EFNA5: variants seen among roughly 807,000 people sequenced by gnomAD.
EFNA5 encodes the protein ephrin A5.
Under a neutral mutation model 22.9 loss-of-function variants are expected in EFNA5, and 5 were observed. That is an observed-to-expected ratio of 0.22 (90% CI 0.11 to 0.46). The LOEUF (loss-of-function observed/expected upper bound fraction) is 0.46, where lower values mean the gene tolerates loss of function less well. Among genes scored for constraint, EFNA5 ranks in the 20% least tolerant of loss-of-function variants. The pLI is 0.99. For synonymous variants in EFNA5, 113 were observed against 112.2 expected, an observed-to-expected ratio of 1.01 and a Z score of -0.04; for missense variants, 237 against 293.3, an observed-to-expected ratio of 0.81 and a Z score of 1.40.
intron 2 of EFNA5, among the ~76,000 whole-genome samples, chr5:107,396,809 A>G (rs547330385): frequency 1.3e-5 from 2 of 152,258 alleles, no homozygotes; most frequent in East Asian, 3.9e-4. Context: ...CCTTTTGAAA[A>G]TATGTTAAGA....
chr5:107,592,044 T>A (rs1467768338), intron 1 of EFNA5, among the ~76,000 whole-genome samples: 2 of 90,220 alleles, frequency 2.2e-5, no homozygotes, highest in African/African-American at 1.1e-4. Flanking sequence ...ATTATATATA[T>A]TATACATTAA....
chr5:107,594,213 C>G (rs887174377), intron 1 of EFNA5, among the ~76,000 whole-genome samples: 27 of 152,074 alleles, frequency 1.8e-4, no homozygotes, highest in African/African-American at 5.8e-4. Flanking sequence ...TATCAAAGAC[C>G]AGTTAGGAAG....
intron 1 of EFNA5, among the ~76,000 whole-genome samples, chr5:107,487,147 C>T (rs991612932): frequency 2.0e-5 from 3 of 152,188 alleles, no homozygotes; most frequent in Non-Finnish European, 4.4e-5. Flanking sequence ...TGTATTCCTG[C>T]CGTCAGCACT....
chr5:107,431,200 G>C (rs537436142), intron 1 of EFNA5, among the ~76,000 whole-genome samples: 1 of 152,052 alleles, frequency 6.6e-6, no homozygotes, highest in Non-Finnish European at 1.5e-5. Context: ...CATTTCAAAG[G>C]GTGGACAATA....
intron 1 of EFNA5, 35 bp downstream of exon 1, chr5:107,670,454 G>T: frequency 2.6e-6 from 4 of 1,539,546 alleles, no homozygotes; most frequent in South Asian, 1.2e-5. Flanking sequence ...CCCGAGGCCC[G>T]GGTAGCCCTG....
chr5:107,534,592 C>T (rs1345698046), intron 1 of EFNA5, among the ~76,000 whole-genome samples: 1 of 152,160 alleles, frequency 6.6e-6, no homozygotes, highest in African/African-American at 2.4e-5. Context: ...CTACTAGTGT[C>T]TCTAGCTGTT....
intron 1 of EFNA5, among the ~76,000 whole-genome samples, chr5:107,591,983 AAT>A (rs372347946): frequency 4.0e-5 from 1 of 24,944 alleles, no homozygotes; most frequent in Non-Finnish European, 6.6e-5. Flanking sequence ...TATAATATAT[AAT>A]ATATAATATA....
At chr5:107,435,985 CT>C in intron 1 of EFNA5, among the ~76,000 whole-genome samples, 1 of 152,316 alleles carries the variant, frequency 6.6e-6, no homozygotes, top group African/African-American at 2.4e-5. Flanking sequence ...TACCCTGTCA[CT>C]TTTTTTCTTG....
chr5:107,598,014 T>TA (rs1682665470), intron 1 of EFNA5, among the ~76,000 whole-genome samples: 1 of 152,152 alleles, frequency 6.6e-6, no homozygotes, highest in Non-Finnish European at 1.5e-5. Context: ...GAGATACTAT[T>TA]AAAGACCATT....
intron 1 of EFNA5, among the ~76,000 whole-genome samples, chr5:107,506,755 T>C (rs1430087022): frequency 6.6e-6 from 1 of 151,922 alleles, no homozygotes; most frequent in African/African-American, 2.4e-5. Context: ...AACACAAAGG[T>C]GAATAACAAA....
intron 1 of EFNA5, among the ~76,000 whole-genome samples, chr5:107,619,365 T>C (rs1749989207): frequency 1.3e-5 from 2 of 152,184 alleles, no homozygotes; most frequent in Admixed American, 1.3e-4. Flanking sequence ...ATGCAAGCCT[T>C]GCCAAATAAA....
chr5:107,381,224 T>C lies in EFNA5; in HGVS notation c.*31A>G, dbSNP rs1304978334. ...CTCTGGTGTTCCAAGACCCTGATGT[T>C]TTCTGTGACAAGTGATGGGAGGAGA... On this transcript the variant is annotated 3_prime_UTR_variant, in exon 5 of 5. Transcript: ENST00000333274. 2 of 1,601,276 alleles carry C rather than the reference T, an allele frequency of 1.2e-6. No individual in the cohort carries two copies. Among genetic ancestry groups the C allele is most frequent in the Admixed American group, 1.7e-5 (1 of 59,764 alleles).
At chr5:107,609,212 C>T (rs542294167) in intron 1 of EFNA5, among the ~76,000 whole-genome samples, 42 of 152,192 alleles carry the variant, frequency 2.8e-4, no homozygotes, top group Non-Finnish European at 4.3e-4. Flanking sequence ...TCTAATAAAA[C>T]GCACTTGGTT....
At chr5:107,464,811 G>A (rs910928617) in intron 1 of EFNA5, among the ~76,000 whole-genome samples, 19 of 152,066 alleles carry the variant, frequency 1.2e-4, no homozygotes, top group African/African-American at 3.4e-4. Context: ...AATTCATCAC[G>A]CCAGGAAAGA....
chr5:107,536,337 G>A (rs2112456063), intron 1 of EFNA5, among the ~76,000 whole-genome samples: 1 of 152,254 alleles, frequency 6.6e-6, no homozygotes, highest in Middle Eastern at 3.4e-3. Context: ...CAGAGCCCAG[G>A]CATCTGATAT....
chr5:107,491,522 G>A (rs1296130382), intron 1 of EFNA5, among the ~76,000 whole-genome samples: 2 of 152,156 alleles, frequency 1.3e-5, no homozygotes, highest in Non-Finnish European at 1.5e-5. Flanking sequence ...TGTTGGCCAA[G>A]CTGGTCCGGA....
intron 1 of EFNA5, among the ~76,000 whole-genome samples, chr5:107,636,854 G>C (rs1750382566): frequency 6.6e-6 from 1 of 152,166 alleles, no homozygotes; most frequent in African/African-American, 2.4e-5. Context: ...TGATGACACA[G>C]GGCAATAATC....
intron 1 of EFNA5, among the ~76,000 whole-genome samples, chr5:107,589,908 T>C (rs1260624750): frequency 6.6e-6 from 1 of 152,134 alleles, no homozygotes; most frequent in Non-Finnish European, 1.5e-5. Flanking sequence ...TTCCAAAATA[T>C]CTCCTTCTAG....
intron 1 of EFNA5, among the ~76,000 whole-genome samples, chr5:107,520,555 T>A (rs913438724): frequency 1.3e-5 from 2 of 152,220 alleles, no homozygotes; most frequent in South Asian, 4.1e-4. Flanking sequence ...CCAAATTAAC[T>A]ATTCTGTCTT....
Sources: allele counts gnomAD v4.1 joint callset (sites outside exome capture counted in the v4.1 genomes callset), GRCh38; gene constraint gnomAD v4.1.1; transcripts MANE v1.5; gene names NCBI Gene and HGNC (gene_info 2026-07-23, HGNC 2026-07-21).